Variants in PIWIL2 observed in about 807,000 individuals in gnomAD.
The protein encoded by PIWIL2 is piwi-like protein 2.
In PIWIL2, 81 loss-of-function variants were observed where a neutral mutation model predicts 116.5. The observed-to-expected ratio is 0.70, with a 90% CI of 0.58 to 0.84. PIWIL2 has a LOEUF of 0.84. PIWIL2 is among the 40% of genes least tolerant of loss of function. The pLI is 0.00. For missense variants in PIWIL2, 1,272 were observed against 1,212.3 expected, an observed-to-expected ratio of 1.05 and a Z score of -0.73; for synonymous variants, 489 against 429.5, an observed-to-expected ratio of 1.14 and a Z score of -1.71.
chr8:22,339,721 C>G (rs143242123), intron 20 of PIWIL2, among the ~76,000 whole-genome samples: 137 of 152,184 alleles, frequency 9.0e-4, no homozygotes, highest in African/African-American at 3.2e-3. Context: ...GTCATTCATC[C>G]GATACATATG....
chr8:22,310,710 A>G (rs1475020774), intron 15 of PIWIL2, among the ~76,000 whole-genome samples: 1 of 152,134 alleles, frequency 6.6e-6, no homozygotes, highest in African/African-American at 2.4e-5. Context: ...CCATTCTCCC[A>G]GTTCCTGCCT....
intron 2 of PIWIL2, among the ~76,000 whole-genome samples, chr8:22,280,443 G>C (rs1027968653): frequency 7.2e-5 from 11 of 152,190 alleles, no homozygotes; most frequent in Non-Finnish European, 1.3e-4. Context: ...ATCAAAGAGA[G>C]TTAGCAAATA....
intron 18 of PIWIL2, 93 bp from the exon 19 acceptor site, chr8:22,316,152 G>T: frequency 1.4e-6 from 1 of 734,902 alleles, no homozygotes; most frequent in Non-Finnish European, 2.5e-6. Flanking sequence ...AACAGTAAGG[G>T]GAGGTTGCTT....
At chr8:22,298,173 T>C (rs1334916559) in intron 10 of PIWIL2, among the ~76,000 whole-genome samples, 1 of 151,672 alleles carries the variant, frequency 6.6e-6, no homozygotes, top group Non-Finnish European at 1.5e-5. Flanking sequence ...GGGAGAATCA[T>C]CTGAGCTGGA....
At chr8:22,339,526 T>C (rs1239532441) in intron 20 of PIWIL2, among the ~76,000 whole-genome samples, 1 of 151,660 alleles carries the variant, frequency 6.6e-6, no homozygotes, top group Non-Finnish European at 1.5e-5. Flanking sequence ...ACTATGCAAC[T>C]GTAGACGGCA....
intron 10 of PIWIL2, among the ~76,000 whole-genome samples, chr8:22,292,184 A>G (rs1373323701): frequency 6.6e-6 from 1 of 152,220 alleles, no homozygotes; most frequent in African/African-American, 2.4e-5. Context: ...AGCTGATTAC[A>G]CAGGGCTTTG....
chr8:22,298,099 A>T (rs955179172), intron 10 of PIWIL2, among the ~76,000 whole-genome samples: 6 of 152,122 alleles, frequency 3.9e-5, no homozygotes, highest in Non-Finnish European at 8.8e-5. Context: ...TCTACAAAAA[A>T]TACAAAAATT....
intron 20 of PIWIL2, among the ~76,000 whole-genome samples, chr8:22,341,473 T>C (rs1832107228): frequency 6.6e-6 from 1 of 151,234 alleles, no homozygotes; most frequent in African/African-American, 2.4e-5. Flanking sequence ...TGCATACCTG[T>C]AATCCCAGCT....
chr8:22,307,310 C>T lies in PIWIL2; in HGVS notation c.1546-623C>T, dbSNP rs561866041. ...GTGCTGGGATTACAGGCGTGAGCCA[C>T]TGTGCCAGGCCCCACATTTTAAGTA... On this transcript the variant is annotated intron_variant, in intron 13 of 22. Transcript: ENST00000356766. Among the ~76,000 whole-genome samples the T allele has an allele frequency of 2.6e-5, 4 of 152,158 alleles. No individual in the cohort carries two copies. The South Asian group carries it at 8.3e-4, about 32-fold the overall frequency.
chr8:22,292,195 T>C (rs1830782301), intron 10 of PIWIL2, among the ~76,000 whole-genome samples: 1 of 152,162 alleles, frequency 6.6e-6, no homozygotes. Flanking sequence ...CAGGGCTTTG[T>C]AGGGCTTTTG....
intron 20 of PIWIL2, among the ~76,000 whole-genome samples, chr8:22,328,217 C>T (rs188187629): frequency 6.6e-6 from 1 of 152,262 alleles, no homozygotes; most frequent in Non-Finnish European, 1.5e-5. Context: ...AATCTTGGCA[C>T]CCTACTTGAA....
chr8:22,342,390 A>G (rs1036792019), intron 20 of PIWIL2, among the ~76,000 whole-genome samples: 1 of 152,224 alleles, frequency 6.6e-6, no homozygotes, highest in Non-Finnish European at 1.5e-5. Flanking sequence ...TGTAAAAACT[A>G]CGGTAATCAA....
intron 10 of PIWIL2, among the ~76,000 whole-genome samples, chr8:22,299,552 A>G (rs1830996198): frequency 6.6e-6 from 1 of 151,760 alleles, no homozygotes; most frequent in Non-Finnish European, 1.5e-5. Flanking sequence ...CTTATTCTAC[A>G]CTCAGTATTA....
At chr8:22,315,593 G>A (rs1302345235) in intron 18 of PIWIL2, among the ~76,000 whole-genome samples, 2 of 152,176 alleles carry the variant, frequency 1.3e-5, no homozygotes, top group East Asian at 1.9e-4. Context: ...GGGATTACAG[G>A]TGTGAGCCAC....
rs1831425331 is a variant in PIWIL2, at chr8:22,315,094, T to A, written c.2157T>A (p.Leu719=). ...RLRSVAQKIL[L]QINCKLGGEL... ...GGAGTGTGGCCCAGAAGATTTTACTTCAGATTAACTGTAAATTGGGTGGTG... is the reference window on the plus strand; with the variant it reads ...GGAGTGTGGCCCAGAAGATTTTACTACAGATTAACTGTAAATTGGGTGGTG... Residue 719 remains leucine, a synonymous_variant, in exon 18 of 23, where the codon CTT becomes CTA. Coordinates refer to ENST00000356766, the MANE Select transcript of PIWIL2 (RefSeq NM_018068.5). 6.2e-7 allele frequency: 1 copy of A among 1,613,370 alleles called. No individual in the cohort carries two copies. The highest frequency in any genetic ancestry group is 8.5e-7 in the Non-Finnish European group (1 of 1,179,306).
At chr8:22,344,051 A>C (rs1410939756) in intron 20 of PIWIL2, among the ~76,000 whole-genome samples, 1 of 152,226 alleles carries the variant, frequency 6.6e-6, no homozygotes, top group Non-Finnish European at 1.5e-5. Context: ...GTGTTAAAAG[A>C]AATAAGCCAT....
chr8:22,294,899 GGAAA>G (rs1830857493), intron 10 of PIWIL2, among the ~76,000 whole-genome samples: 5 of 79,452 alleles, frequency 6.3e-5, no homozygotes, highest in African/African-American at 2.8e-4. Context: ...CATCTTTACT[GGAAA>G]AAAAAAAAAA....
At chr8:22,311,329 G>C in intron 16 of PIWIL2, 29 bp downstream of exon 16, 1 of 1,537,332 alleles carries the variant, frequency 6.5e-7, no homozygotes, top group South Asian at 1.2e-5. Flanking sequence ...TAAATTTATA[G>C]GATGTCCATT....
At chr8:22,340,268 G>C (rs1832078483) in intron 20 of PIWIL2, among the ~76,000 whole-genome samples, 1 of 152,014 alleles carries the variant, frequency 6.6e-6, no homozygotes, top group African/African-American at 2.4e-5. Flanking sequence ...TGATGGTCAG[G>C]CTGGTCTTGA....
Sources: gnomAD v4.1 joint callset for allele counts (sites outside exome capture counted in the v4.1 genomes callset) on GRCh38, gnomAD v4.1.1 for gene constraint, MANE v1.5 for transcripts, NCBI Gene and HGNC (gene_info 2026-07-23, HGNC 2026-07-21) for gene names.